CIC: variants seen among roughly 807,000 people sequenced by gnomAD.
The protein encoded by CIC is capicua transcriptional repressor.
Under a neutral mutation model 115.7 loss-of-function variants are expected in CIC, and 18 were observed. The ratio of observed to expected loss-of-function variants is 0.16; its 90% confidence interval spans 0.11 to 0.23. CIC has a LOEUF of 0.23. Ranked by LOEUF, CIC falls within the 10% of genes least tolerant of loss-of-function variation. CIC has a pLI of 1.00. For synonymous variants in CIC, 1,076 were observed against 923.0 expected, an observed-to-expected ratio of 1.17 and a Z score of -3.01; for missense variants, 2,000 against 2,159.3, an observed-to-expected ratio of 0.93 and a Z score of 1.46.
In CIC at chr19:42,289,327, G is replaced by A. The variant is rs757465509; in HGVS notation, c.4008G>A (p.Gln1336=). 1 of 1,614,056 alleles carries A rather than the reference G, an allele frequency of 6.2e-7. No homozygotes were observed. The highest frequency in any genetic ancestry group is 8.5e-7 in the Non-Finnish European group (1 of 1,179,962). Residue 1336 remains glutamine (Q), a synonymous_variant, in exon 9 of 21, where the codon CAG becomes CAA. Coordinates refer to ENST00000681038, the MANE Select transcript of CIC (RefSeq NM_001386298.1). ...PLLPTRASRS[Q]RAASEDMTSD... ...TGCCCACCCGAGCTTCTCGTTCTCA[G>A]CGTGCGGCCAGTGAGGACATGACGA...
rs144903246 is a variant in CIC at position 42,287,449 on chromosome 19, G to A, written c.3309G>A (p.Lys1103=). The change falls in exon 5 of 21, where the codon AAG becomes AAA. Residue 1103 remains lysine (K), a splice_region_variant and synonymous_variant. Transcript: ENST00000681038. This position sits in a 1 kb window ranked among gnomAD's most constrained non-coding sequence, Gnocchi z 8.7. ...SSEKDGRSPN[K]REKDHIRRPM... is the part of the protein sequence containing the mutation. ...AGAAGGATGGACGCAGCCCCAACAA[G>A]GTACTTTATCCCTGCCTGTCCTGTG... is the stretch of plus-strand genomic sequence containing the variant. 4 of 1,613,238 alleles carry A rather than the reference G, an allele frequency of 2.5e-6. No homozygotes were observed. Among genetic ancestry groups the A allele is most frequent in the Non-Finnish European group, 3.4e-6 (4 of 1,180,022 alleles).
In CIC at chr19:42,292,219, T is replaced by G; in HGVS notation, c.5735+12T>G. ...CCCTCCTCCACCAGGTAATTGCAGC[T>G]GAGCCCATACTCAGAGGCCAGGGAA... On this transcript the variant is annotated intron_variant, in intron 13 of 20. Transcript: ENST00000681038. 1 of 1,613,950 alleles carries G rather than the reference T, an allele frequency of 6.2e-7. No homozygotes were observed. Among genetic ancestry groups the G allele is most frequent in the Non-Finnish European group, 8.5e-7 (1 of 1,180,020 alleles).
intron 2 of CIC, chr19:42,284,573 G>A: frequency 3.1e-6 from 1 of 326,626 alleles, no homozygotes; most frequent in Non-Finnish European, 5.3e-6. Context: ...GCGGCGGGGG[G>A]GGGGGCATGC....
rs781425128 is a variant in CIC, at chr19:42,287,538, A to C, written c.3310-7A>C. The C allele has an allele frequency of 1.2e-6, 2 of 1,613,108 alleles. No individual in the cohort carries two copies. Among genetic ancestry groups the C allele is most frequent in the East Asian group, 2.2e-5 (1 of 44,882 alleles). The stretch of plus-strand genomic sequence containing the variant: ...AACTGTCCCGCTCTGGGCTGTGTTT[A>C]ATGCAGCGGGAGAAGGACCACATCC... On this transcript the variant is annotated splice_region_variant and splice_polypyrimidine_tract_variant and intron_variant, in intron 5 of 20. Coordinates refer to ENST00000681038, the MANE Select transcript of CIC (RefSeq NM_001386298.1). The surrounding 1 kb of genome is among the most constrained non-coding windows in gnomAD (Gnocchi z 8.7).
In CIC at chr19:42,291,330, C is replaced by A; in HGVS notation, c.5289C>A (p.Ser1763Arg). The A allele has an allele frequency of 6.2e-7, 1 of 1,612,686 alleles. No homozygotes were observed. Among genetic ancestry groups the A allele is most frequent in the Non-Finnish European group, 8.5e-7 (1 of 1,179,908 alleles). Residue 1763 changes from serine (S) to arginine (R), a missense_variant, in exon 11 of 21, where the codon AGC becomes AGA. Coordinates refer to ENST00000681038, the MANE Select transcript of CIC (RefSeq NM_001386298.1). Reference protein sequence around the residue: ...PAPGTKAAAPSGPAPTTSIRF... With the variant: ...PAPGTKAAAPRGPAPTTSIRF... The stretch of plus-strand genomic sequence containing the variant: ...CTGGGACCAAGGCAGCGGCTCCCAG[C>A]GGCCCTGCACCCACCACCAGCATCC...
chr19:42,284,569 G>C (rs979549266), intron 2 of CIC: 10 of 288,698 alleles, frequency 3.5e-5, no homozygotes, highest in Non-Finnish European at 6.1e-5. Flanking sequence ...GGGGGCGGCG[G>C]GGGGGGGGGC....
At chr19:42,271,670 G>A in intron 1 of CIC, 104 bp from the exon 2 acceptor site, 3 of 397,912 alleles carry the variant, frequency 7.5e-6, no homozygotes, top group Non-Finnish European at 1.3e-5. Context: ...TGGGGATGGT[G>A]GGATGGAGAC....
chr19:42,283,799 C>G (rs968534492), intron 2 of CIC, among the ~76,000 whole-genome samples: 1 of 152,074 alleles, frequency 6.6e-6, no homozygotes, highest in Non-Finnish European at 1.5e-5. Flanking sequence ...AGTGCGCCCT[C>G]CCTGCCACCC....
At chr19:42,284,557 AGGGGGGCGGCGGGG>A in intron 2 of CIC, 1 of 139,184 alleles carries the variant, frequency 7.2e-6, no homozygotes, top group Non-Finnish European at 1.1e-5. Context: ...GGGCGGCCGG[AGGGGGGCGGCGGGG>A]GGGGGGGCAT....
At position 42,294,663 on chromosome 19, in the gene CIC, C is replaced by T; in HGVS notation, c.7114C>T (p.Leu2372=). 3 of 1,613,798 alleles carry T rather than the reference C, an allele frequency of 1.9e-6. No individual in the cohort carries two copies. Among genetic ancestry groups the T allele is most frequent in the East Asian group, 2.2e-5 (1 of 44,862 alleles). ...GTATGACAAGGTGCCATACTCCTCC[C>T]TGCGGCGCACCCTGGACCAGCGCCG... The part of the protein sequence containing the change: ...LEYDKVPYSS[L]RRTLDQRRAL... The change falls in exon 20 of 21, where the codon CTG becomes TTG. Residue 2372 remains leucine (L), a synonymous_variant. Transcript: ENST00000681038.
rs2038089871 is a variant in CIC at position 42,291,411 on chromosome 19, A to C, written c.5370A>C (p.Ala1790=). Residue 1790 remains alanine, a synonymous_variant, in exon 11 of 21, where the codon GCA becomes GCC. Transcript: ENST00000681038. Reference sequence around the variant, plus strand: ...ACGGCAAAGTCCTGGCTGCCACTGCACCCACTCCTGGCATCCCCATCCTGC... The same window carrying C: ...ACGGCAAAGTCCTGGCTGCCACTGCCCCCACTCCTGGCATCCCCATCCTGC... ...STNGKVLAAT[A]PTPGIPILQS... 1 of 1,612,820 alleles carries C rather than the reference A, an allele frequency of 6.2e-7. No homozygotes were observed. Among genetic ancestry groups the C allele is most frequent in the East Asian group, 2.2e-5 (1 of 44,876 alleles).
chr19:42,288,083 C>A, intron 7 of CIC, 108 bp downstream of exon 7: 2 of 1,334,406 alleles, frequency 1.5e-6, no homozygotes, highest in East Asian at 2.5e-5. Flanking sequence ...TCTGCTCTAT[C>A]GCTTTAATTT....
rs1026927157 is a variant in CIC, at chr19:42,280,361, G to A, written c.2794+5784G>A. 2.0e-5 allele frequency among the ~76,000 whole-genome samples: 3 copies of A among 152,162 alleles called. No individual in the cohort carries two copies. Among genetic ancestry groups the A allele is most frequent in the Admixed American group, 6.5e-5 (1 of 15,286 alleles). On this transcript the variant is annotated intron_variant, in intron 2 of 20. Transcript: ENST00000681038. The surrounding 1 kb of genome is among the most constrained non-coding windows in gnomAD (Gnocchi z 4.9). ...GTAGTCGGGGAAACCGGGTGCTCCG[G>A]GGGCTGTGTAGAAGCGGACTGGCAC... is the stretch of plus-strand genomic sequence containing the variant.
chr19:42,284,888 G>GACGGGGAAAGTT, intron 2 of CIC: 1 of 950,510 alleles, frequency 1.1e-6, no homozygotes, highest in South Asian at 1.4e-5. Flanking sequence ...GTAAAGGGAT[G>GACGGGGAAAGTT]ACGGGGAAAG....
rs749685526 is a variant in CIC, at chr19:42,270,522, C to T, written c.-11+1141C>T. Among the ~76,000 whole-genome samples the T allele has an allele frequency of 3.9e-5, 6 of 152,284 alleles. No individual in the cohort carries two copies. The highest frequency in any genetic ancestry group is 1.4e-4 in the African/African-American group (6 of 41,552). On this transcript the variant is annotated intron_variant, in intron 1 of 20. Coordinates refer to ENST00000681038, the MANE Select transcript of CIC (RefSeq NM_001386298.1). The surrounding 1 kb of genome is among the most constrained non-coding windows in gnomAD (Gnocchi z 4.1). ...TTTCTCAGGGCAGCTCGAAAGGGGG[C>T]GGGCAGTAATGACTGTTCAGGAAGT...
Position 42,293,200 on chromosome 19 carries a change from C to T in CIC, c.6441C>T (p.Thr2147=). Residue 2147 remains threonine, a synonymous_variant, in exon 16 of 21, where the codon ACC becomes ACT. Transcript: ENST00000681038. ...CAGCCCCTCCACCCCTGCCAGAGACCTGGACTCCCACGGCCCGGAGCAGCC... is the reference window on the plus strand; with the variant it reads ...CAGCCCCTCCACCCCTGCCAGAGACTTGGACTCCCACGGCCCGGAGCAGCC... The part of the protein sequence containing the change: ...TPPAPPPLPE[T]WTPTARSSPP... 2 of 1,600,038 alleles carry T rather than the reference C, an allele frequency of 1.2e-6. No individual in the cohort carries two copies. The highest frequency in any genetic ancestry group is 8.5e-7 in the Non-Finnish European group (1 of 1,174,320).
Position 42,292,694 on chromosome 19 carries a change from C to G in CIC, c.6031C>G (p.Pro2011Ala). The change falls in exon 15 of 21, where the codon CCC becomes GCC. Residue 2011 changes from proline (P) to alanine (A), a missense_variant. Around this residue, in one of 8 missense-constraint regions of CIC, gnomAD observed 1,466 missense variants for 1,390.4 expected, o/e 1.05. Transcript: ENST00000681038. ...AGCATTTTACTCTGGCAGCCCTGCA[C>G]CCACCTCCTCAGCACCCCTGGCCCA... is the stretch of plus-strand genomic sequence containing the variant. ...ITAFYSGSPA[P>A]TSSAPLAQPS... 6.2e-7 allele frequency: 1 copy of G among 1,613,892 alleles called. No individual in the cohort carries two copies. The highest frequency in any genetic ancestry group is 8.5e-7 in the Non-Finnish European group (1 of 1,179,974).
At position 42,293,758 on chromosome 19, in the gene CIC, G is replaced by A. The variant is rs367735541; in HGVS notation, c.6689G>A (p.Arg2230His). Reference sequence around the variant, plus strand: ...CGGGCAGCCGGGGACACCCCGGAGCGCAAGGAGGCGGCTGGTACTGGCAAG... The same window carrying A: ...CGGGCAGCCGGGGACACCCCGGAGCACAAGGAGGCGGCTGGTACTGGCAAG... Reference protein sequence around the residue: ...SGRAAGDTPERKEAAGTGKKV... With the variant: ...SGRAAGDTPEHKEAAGTGKKV... Residue 2230 changes from arginine (R) to histidine (H), a missense_variant, in exon 17 of 21, where the codon CGC (arginine) becomes CAC (histidine). Coordinates refer to ENST00000681038, the MANE Select transcript of CIC (RefSeq NM_001386298.1). 6.8e-6 allele frequency: 11 copies of A among 1,612,706 alleles called. No individual in the cohort carries two copies. The highest frequency in any genetic ancestry group is 2.7e-5 in the African/African-American group (2 of 74,954).
At chr19:42,289,673 C>T in intron 9 of CIC, among the ~76,000 whole-genome samples, 175 bp from the exon 10 acceptor site, 1 of 152,192 alleles carries the variant, frequency 6.6e-6, no homozygotes, top group East Asian at 1.9e-4. Flanking sequence ...TCATAGGCTC[C>T]TGCACTGGGC....
Sources: allele counts gnomAD v4.1 joint callset (sites outside exome capture counted in the v4.1 genomes callset), GRCh38; gene constraint gnomAD v4.1.1; regional missense constraint gnomAD v4.1.1; non-coding constraint Gnocchi (gnomAD v3.1); transcripts MANE v1.5; gene names NCBI Gene and HGNC (gene_info 2026-07-23, HGNC 2026-07-21).